The following TGFBR1 variants were observed in gnomAD, a reference collection of about 807,000 sequenced individuals.
The protein encoded by TGFBR1 is TGF-beta receptor type-1.
In TGFBR1, 20 loss-of-function variants were observed where a neutral mutation model predicts 55.1. That is an observed-to-expected ratio of 0.36 (90% CI 0.26 to 0.53). The LOEUF (loss-of-function observed/expected upper bound fraction) is 0.53, where lower values mean the gene tolerates loss of function less well. Ranked by LOEUF, TGFBR1 falls within the 20% of genes least tolerant of loss-of-function variation. The pLI is 0.91. For missense variants in TGFBR1, 385 were observed against 617.6 expected (o/e 0.62, Z 3.99); for synonymous variants, 220 against 214.8 (o/e 1.02, Z -0.21).
rs761146767 is a variant in TGFBR1, at chr9:99,141,200, A to G, written c.806-1336A>G. Among the ~76,000 whole-genome samples, 42 of 152,318 alleles carry G rather than the reference A, an allele frequency of 2.8e-4. 1 individual carries two copies. Among genetic ancestry groups the G allele is most frequent in the Admixed American group, 2.6e-4 (4 of 15,304 alleles). On this transcript the variant is annotated intron_variant, in intron 4 of 8. Coordinates refer to ENST00000374994, the MANE Select transcript of TGFBR1 (RefSeq NM_004612.4). ...CAAAATTCAGTAATGGTTAAGAGGCATGCAAATAAGCTAGTGATGTGCCTA... is the reference window on the plus strand; with the variant it reads ...CAAAATTCAGTAATGGTTAAGAGGCGTGCAAATAAGCTAGTGATGTGCCTA...
At chr9:99,129,259 C>G (rs1387258568) in intron 2 of TGFBR1, among the ~76,000 whole-genome samples, 159 bp downstream of exon 2, 1 of 152,286 alleles carries the variant, frequency 6.6e-6, no homozygotes, top group East Asian at 1.9e-4. Flanking sequence ...TAAGAGTAAC[C>G]AAGATCCTGC....
At chr9:99,128,091 A>G in intron 1 of TGFBR1, 1 of 443,462 alleles carries the variant, frequency 2.3e-6, no homozygotes, top group South Asian at 1.6e-5. Context: ...TGTTGGTGAT[A>G]ATTAGAAGGC....
At chr9:99,104,766 C>T (rs1826347927), upstream of TGFBR1, among the ~76,000 whole-genome samples, 1 of 152,092 alleles carries the variant, frequency 6.6e-6, no homozygotes, top group South Asian at 2.1e-4. Context: ...AGCCTTTTTC[C>T]GAAAGAGACT....
chr9:99,115,270 T>C (rs1483627679), intron 1 of TGFBR1, among the ~76,000 whole-genome samples: 3 of 152,162 alleles, frequency 2.0e-5, no homozygotes, highest in African/African-American at 7.2e-5. Context: ...TGAACCTCCT[T>C]ATTTTTGTTC....
intron 1 of TGFBR1, among the ~76,000 whole-genome samples, chr9:99,121,587 GT>G (rs990146990): frequency 2.0e-4 from 30 of 152,084 alleles, no homozygotes; most frequent in Non-Finnish European, 4.0e-4. Context: ...GTCCCTGAAA[GT>G]TTTTTTTAAA....
At chr9:99,115,781 T>C (rs1369568189) in intron 1 of TGFBR1, among the ~76,000 whole-genome samples, 1 of 152,184 alleles carries the variant, frequency 6.6e-6, no homozygotes, top group African/African-American at 2.4e-5. Flanking sequence ...ACACCCAAGA[T>C]TGTGTATTGT....
upstream of TGFBR1, chr9:99,104,153 T>A (rs981501799): frequency 2.6e-5 from 4 of 152,094 alleles, no homozygotes; most frequent in Non-Finnish European, 5.9e-5. Flanking sequence ...AATGAAAACG[T>A]AGAGTTTATT....
intron 5 of TGFBR1, 107 bp downstream of exon 5, chr9:99,142,810 G>A: frequency 7.6e-7 from 1 of 1,317,026 alleles, no homozygotes; most frequent in Non-Finnish European, 1.1e-6. Flanking sequence ...TATAATCCCA[G>A]CACTTTGGGA....
At chr9:99,147,442 G>A (rs968886589) in intron 7 of TGFBR1, among the ~76,000 whole-genome samples, 3 of 152,102 alleles carry the variant, frequency 2.0e-5, no homozygotes, top group Admixed American at 6.6e-5. Context: ...TGATCTCATG[G>A]CAATACTTAG....
intron 1 of TGFBR1, among the ~76,000 whole-genome samples, chr9:99,117,569 C>T (rs1000902803): frequency 3.9e-5 from 6 of 152,096 alleles, no homozygotes; most frequent in African/African-American, 1.2e-4. Flanking sequence ...TTTTAAAATA[C>T]GGATATCTGG....
chr9:99,134,802 T>TATATATATATATA (rs1554700024), intron 3 of TGFBR1, among the ~76,000 whole-genome samples: 1 of 41,384 alleles, frequency 2.4e-5, no homozygotes, highest in Non-Finnish European at 4.2e-5. Flanking sequence ...TCTGTTTCCA[T>TATATATATATATA]TATATATATA....
At chr9:99,138,153 T>C (rs544733842) in intron 4 of TGFBR1, 64 bp downstream of exon 4, 4 of 1,418,110 alleles carry the variant, frequency 2.8e-6, no homozygotes, top group Admixed American at 1.7e-5. Context: ...TTTACAGATA[T>C]GGTGACTAAC....
chr9:99,153,141 AAAATGTC>A lies in TGFBR1; in HGVS notation c.*3839_*3845del. The stretch of plus-strand genomic sequence containing the variant: ...TCTTCATATGTTAAGGAGATGCTTC[AAAATGTC>A]AATTGCTTTAAACTTAAATTACCTC... On this transcript the variant is annotated 3_prime_UTR_variant, in exon 9 of 9. Transcript: ENST00000374994. 1 of 226,406 alleles carries A rather than the reference AAAATGTC, an allele frequency of 4.4e-6. No individual in the cohort carries two copies. Among genetic ancestry groups the A allele is most frequent in the Non-Finnish European group, 8.8e-6 (1 of 113,458 alleles). 14.0% of individuals were successfully genotyped at this position (226,406 alleles called of 1,614,324 possible). A position where few individuals can be genotyped will look rare whatever the true frequency, so the allele number is the denominator to read the frequency against.
intron 1 of TGFBR1, among the ~76,000 whole-genome samples, chr9:99,114,954 C>G (rs769769252): frequency 6.6e-6 from 1 of 152,114 alleles, no homozygotes; most frequent in Non-Finnish European, 1.5e-5. Flanking sequence ...CCACACTTAT[C>G]TGAGAGTGTG....
In TGFBR1 at chr9:99,130,291, C is replaced by T. The variant is rs914185768; in HGVS notation, c.343+1191C>T. ...AAACTCTCAGTTCCCTTTTAGGAAG[C>T]ACCTGGCTTCAGTGCTCAGAGGAGC... On this transcript the variant is annotated intron_variant, in intron 2 of 8. Transcript: ENST00000374994. 2.6e-5 allele frequency among the ~76,000 whole-genome samples: 4 copies of T among 152,304 alleles called. 1 individual carries two copies. The highest frequency in any genetic ancestry group is 2.6e-4 in the Admixed American group (4 of 15,304).
At chr9:99,117,253 A>ATTTTT (rs34711337) in intron 1 of TGFBR1, among the ~76,000 whole-genome samples, 3 of 135,470 alleles carry the variant, frequency 2.2e-5, no homozygotes, top group Non-Finnish European at 1.6e-5. Flanking sequence ...ACGCCTGGCT[A>ATTTTT]TTTTTTTTTT....
intron 3 of TGFBR1, among the ~76,000 whole-genome samples, chr9:99,137,168 A>G (rs1010373148): frequency 2.6e-5 from 4 of 152,186 alleles, no homozygotes; most frequent in African/African-American, 4.8e-5. Flanking sequence ...AGTGTTGTCT[A>G]TGTAGCCAGT....
chr9:99,123,511 A>T (rs1160713204), intron 1 of TGFBR1, among the ~76,000 whole-genome samples: 1 of 152,120 alleles, frequency 6.6e-6, no homozygotes, highest in African/African-American at 2.4e-5. Context: ...GTTACTTAGC[A>T]TGGGGATAGT....
chr9:99,113,620 G>T (rs775488677), intron 1 of TGFBR1, among the ~76,000 whole-genome samples: 1 of 152,124 alleles, frequency 6.6e-6, no homozygotes, highest in African/African-American at 2.4e-5. Flanking sequence ...TTACCTGATC[G>T]TTGTGAAGAT....
Sources: gnomAD v4.1 joint callset for allele counts (sites outside exome capture counted in the v4.1 genomes callset) on GRCh38, gnomAD v4.1.1 for gene constraint, MANE v1.5 for transcripts, NCBI Gene and HGNC (gene_info 2026-07-23, HGNC 2026-07-21) for gene names.